INO80: variants seen among roughly 807,000 people sequenced by gnomAD.
INO80 encodes INO80 complex ATPase subunit, also known as chromatin-remodeling ATPase INO80.
INO80 carries 20 observed loss-of-function variants against 203.4 expected under a neutral mutation model. That is an observed-to-expected ratio of 0.10 (90% CI 0.07 to 0.14). The LOEUF is 0.14. Among genes scored for constraint, INO80 ranks in the 10% least tolerant of loss-of-function variants. The probability of loss-of-function intolerance (pLI) is 1.00; values close to 1 mark genes in which losing one functional copy is unlikely to be tolerated. For missense variants in INO80, 1,419 were observed against 1,914.4 expected, an observed-to-expected ratio of 0.74 and a Z score of 4.83; for synonymous variants, 726 against 685.2, an observed-to-expected ratio of 1.06 and a Z score of -0.93.
chr15:41,051,089 A>G (rs547580010), intron 19 of INO80, among the ~76,000 whole-genome samples: 2 of 134,242 alleles, frequency 1.5e-5, no homozygotes, highest in African/African-American at 5.9e-5. Flanking sequence ...AGATTGCACC[A>G]TTGCACTCCA....
chr15:40,986,478 C>T (rs1238089557), intron 31 of INO80, among the ~76,000 whole-genome samples: 1 of 151,894 alleles, frequency 6.6e-6, no homozygotes, highest in Non-Finnish European at 1.5e-5. Context: ...GTGCCCACCA[C>T]CACGCCCGAC....
chr15:41,054,384 T>C (rs2044945154), intron 18 of INO80, among the ~76,000 whole-genome samples: 1 of 152,178 alleles, frequency 6.6e-6, no homozygotes, highest in Non-Finnish European at 1.5e-5. Context: ...TAAAATCACA[T>C]AAGGATTTTT....
In INO80 at chr15:40,980,320, G is replaced by A; in HGVS notation, c.4574C>T (p.Pro1525Leu). The change falls in exon 36 of 36, where the codon CCT becomes CTT. Residue 1525 changes from proline (P) to leucine (L), a missense_variant. Transcript: ENST00000648947. ...SSPLSKGNNV[P>L]GNPKNLHMTS... ...CATGTGGAGGTTCTTGGGATTCCCA[G>A]GAACATTATTTCCCTTGCTCAAAGG... The A allele has an allele frequency of 6.2e-7, 1 of 1,613,928 alleles. No individual in the cohort carries two copies. Among genetic ancestry groups the A allele is most frequent in the Non-Finnish European group, 8.5e-7 (1 of 1,179,940 alleles).
intron 1 of INO80, among the ~76,000 whole-genome samples, chr15:41,100,533 C>T: frequency 6.6e-6 from 1 of 152,176 alleles, no homozygotes; most frequent in East Asian, 1.9e-4. Context: ...TCAACTGATT[C>T]ATCCCAGAAA....
At chr15:41,079,432 T>C (rs942162885) in intron 9 of INO80, among the ~76,000 whole-genome samples, 1 of 151,928 alleles carries the variant, frequency 6.6e-6, no homozygotes, top group Non-Finnish European at 1.5e-5. Flanking sequence ...AAAAGCAGAA[T>C]TGGTTTACTA....
chr15:41,070,543 A>G lies in INO80; in HGVS notation c.1610T>C (p.Ile537Thr). Residue 537 changes from isoleucine (I) to threonine (T), a missense_variant, in exon 13 of 36, where the codon ATT becomes ACT. Transcript: ENST00000648947. ...NWLANLYEQG[I>T]NGILADEMGL... ...CATTTCATCAGCAAGAATGCCATTAATACCCTGGGGAAAAAAAATACATGG... is the reference window on the plus strand; with the variant it reads ...CATTTCATCAGCAAGAATGCCATTAGTACCCTGGGGAAAAAAAATACATGG... The G allele has an allele frequency of 6.2e-7, 1 of 1,613,624 alleles. No individual in the cohort carries two copies. The highest frequency in any genetic ancestry group is 8.5e-7 in the Non-Finnish European group (1 of 1,179,528).
chr15:41,111,351 CAGG>C (rs1466487501), intron 1 of INO80, among the ~76,000 whole-genome samples: 1 of 152,106 alleles, frequency 6.6e-6, no homozygotes, highest in Non-Finnish European at 1.5e-5. Flanking sequence ...GAGGCTGAGG[CAGG>C]AGAATTGCTT....
chr15:41,099,689 G>T (rs1053209622), intron 1 of INO80, among the ~76,000 whole-genome samples: 1 of 151,920 alleles, frequency 6.6e-6, no homozygotes, highest in African/African-American at 2.4e-5. Context: ...GGCTGAGGAG[G>T]GAGGATGGTT....
chr15:41,091,876 T>A, intron 5 of INO80, 151 bp downstream of exon 5: 1 of 523,074 alleles, frequency 1.9e-6, no homozygotes, highest in Non-Finnish European at 3.3e-6. Context: ...ATGGTTTCAA[T>A]TTCTTGACCT....
chr15:40,999,044 TAGATGGCATTA>T (rs962527441), intron 28 of INO80, among the ~76,000 whole-genome samples: 19 of 150,202 alleles, frequency 1.3e-4, no homozygotes, highest in Admixed American at 2.0e-4. Flanking sequence ...TTTGGTGCTT[TAGATGGCATTA>T]AGAAATTAAT....
At position 41,046,937 on chromosome 15, in the gene INO80, AT is replaced by A. The variant is rs112368024; in HGVS notation, c.2735+470del. On this transcript the variant is annotated intron_variant, in intron 23 of 35. Transcript: ENST00000648947. The stretch of plus-strand genomic sequence containing the variant: ...CTGGGCCTGGTCAACAAACTGTACT[AT>A]TTTTTTTTTTTTTCTTGAGACGGAG... Among the ~76,000 whole-genome samples the A allele has an allele frequency of 8.6e-3, 1,195 of 139,216 alleles. 14 individuals are homozygous for A. The highest frequency in any genetic ancestry group is 0.052 in the South Asian group (226 of 4,376). The allele number at this position is 139,216 out of a possible 152,430, so 91.3% of individuals were successfully genotyped here.
At chr15:41,006,531 T>C (rs1019959326) in intron 27 of INO80, among the ~76,000 whole-genome samples, 9 of 152,178 alleles carry the variant, frequency 5.9e-5, no homozygotes, top group African/African-American at 2.2e-4. Context: ...TTGGGAAATG[T>C]TTGTGTTAAT....
intron 24 of INO80, among the ~76,000 whole-genome samples, chr15:41,034,573 A>G (rs986258133): frequency 6.6e-6 from 1 of 152,238 alleles, no homozygotes; most frequent in African/African-American, 2.4e-5. Flanking sequence ...GAAGGCGTAG[A>G]AGGAAACAGA....
intron 12 of INO80, among the ~76,000 whole-genome samples, chr15:41,071,508 G>A (rs1269847447): frequency 1.5e-5 from 2 of 136,504 alleles, no homozygotes; most frequent in Non-Finnish European, 3.0e-5. Context: ...AGGCTACAGT[G>A]CAATGGCGCC....
intron 19 of INO80, among the ~76,000 whole-genome samples, chr15:41,052,499 C>A (rs543190147): frequency 6.6e-6 from 1 of 151,322 alleles, no homozygotes; most frequent in African/African-American, 2.4e-5. Flanking sequence ...ATAGCAAGAT[C>A]CTGTCTCTAG....
At chr15:41,107,957 G>A (rs376249194) in intron 1 of INO80, among the ~76,000 whole-genome samples, 28 of 151,988 alleles carry the variant, frequency 1.8e-4, no homozygotes, top group African/African-American at 6.0e-4. Flanking sequence ...AAAATTAGCC[G>A]GGCATGGTGG....
chr15:41,070,340 G>A (rs2045290444), intron 13 of INO80, 127 bp downstream of exon 13: 1 of 826,302 alleles, frequency 1.2e-6, no homozygotes, highest in Non-Finnish European at 1.9e-6. Flanking sequence ...AAGCTCTGAG[G>A]CAAGAACCCA....
intron 31 of INO80, among the ~76,000 whole-genome samples, chr15:40,985,842 A>T (rs773422179): frequency 2.9e-4 from 44 of 152,106 alleles, no homozygotes; most frequent in Non-Finnish European, 8.8e-5. Context: ...CAGGAAGTGG[A>T]GGTTGTGGTG....
intron 4 of INO80, among the ~76,000 whole-genome samples, chr15:41,092,746 G>A (rs2045663395): frequency 6.6e-6 from 1 of 152,182 alleles, no homozygotes; most frequent in Non-Finnish European, 1.5e-5. Flanking sequence ...GTCACATTAT[G>A]ATAGGATTCA....
Sources: gnomAD v4.1 joint callset for allele counts (sites outside exome capture counted in the v4.1 genomes callset) on GRCh38, gnomAD v4.1.1 for gene constraint, MANE v1.5 for transcripts, NCBI Gene and HGNC (gene_info 2026-07-23, HGNC 2026-07-21) for gene names.